Variants in CDK14 observed in about 807,000 individuals in gnomAD.
CDK14 encodes cyclin-dependent kinase 14.
In CDK14, 34 loss-of-function variants were observed where a neutral mutation model predicts 60.7. The observed-to-expected ratio is 0.56, with a 90% CI of 0.43 to 0.75. CDK14 has a LOEUF of 0.75. Ranked by LOEUF, CDK14 falls within the 30% of genes least tolerant of loss-of-function variation. The probability of loss-of-function intolerance (pLI) is 0.00; values close to 1 mark genes in which losing one functional copy is unlikely to be tolerated. For missense variants in CDK14, 482 were observed against 564.1 expected (o/e 0.85, Z 1.47); for synonymous variants, 197 against 203.7 (o/e 0.97, Z 0.28).
chr7:90,670,535 A>G (rs931208520), intron 2 of CDK14, among the ~76,000 whole-genome samples: 2 of 152,192 alleles, frequency 1.3e-5, no homozygotes, highest in Admixed American at 1.3e-4. Flanking sequence ...TGCAGGCTGT[A>G]TGAGCATGAT....
chr7:91,080,445 C>T (rs1333768823), intron 12 of CDK14, among the ~76,000 whole-genome samples: 1 of 152,022 alleles, frequency 6.6e-6, no homozygotes, highest in Non-Finnish European at 1.5e-5. Context: ...TAAATTTGTA[C>T]CTCGAATAAC....
At chr7:90,923,515 ATC>A (rs1412099644) in intron 8 of CDK14, among the ~76,000 whole-genome samples, 2 of 152,182 alleles carry the variant, frequency 1.3e-5, no homozygotes, top group African/African-American at 4.8e-5. Context: ...TCTATGAGAA[ATC>A]TCTCTGTTCA....
At chr7:90,844,243 A>C (rs753351081) in intron 5 of CDK14, among the ~76,000 whole-genome samples, 10 of 152,198 alleles carry the variant, frequency 6.6e-5, no homozygotes, top group Non-Finnish European at 1.2e-4. Context: ...GAATTAGGAG[A>C]GGTAAATTCT....
At chr7:91,110,991 A>C (rs1286883591) in intron 12 of CDK14, among the ~76,000 whole-genome samples, 2 of 152,120 alleles carry the variant, frequency 1.3e-5, no homozygotes, top group Non-Finnish European at 2.9e-5. Context: ...AGGGGAAAAA[A>C]CTGTGAAGAA....
chr7:91,123,119 G>A (rs1799833833), intron 14 of CDK14, among the ~76,000 whole-genome samples: 1 of 152,132 alleles, frequency 6.6e-6, no homozygotes, highest in Non-Finnish European at 1.5e-5. Context: ...TATCTTCATT[G>A]TATGATATTT....
chr7:90,838,508 C>T (rs1445267568), intron 5 of CDK14, among the ~76,000 whole-genome samples: 1 of 152,126 alleles, frequency 6.6e-6, no homozygotes, highest in African/African-American at 2.4e-5. Context: ...TATTTTTCTT[C>T]TTGCAGGGAG....
intron 2 of CDK14, among the ~76,000 whole-genome samples, chr7:90,665,498 G>C (rs1344610220): frequency 6.6e-6 from 1 of 152,124 alleles, no homozygotes; most frequent in African/African-American, 2.4e-5. Context: ...CAAATCCCCA[G>C]TAAGGCTGTG....
At chr7:91,022,808 T>C (rs1796464877) in intron 10 of CDK14, among the ~76,000 whole-genome samples, 1 of 152,182 alleles carries the variant, frequency 6.6e-6, no homozygotes, top group Non-Finnish European at 1.5e-5. Flanking sequence ...TTGTTTCCAT[T>C]GTATTGTTTA....
intron 14 of CDK14, among the ~76,000 whole-genome samples, chr7:91,152,947 T>C (rs570293043): frequency 4.6e-4 from 70 of 152,314 alleles, no homozygotes; most frequent in African/African-American, 1.7e-3. Context: ...AAGCCCCAAA[T>C]AGTTTATAGT....
In CDK14 at chr7:91,172,080, G is replaced by A. The variant is rs537816621; in HGVS notation, c.*29-35085G>A. Among the ~76,000 whole-genome samples, 7 of 152,276 alleles carry A rather than the reference G, an allele frequency of 4.6e-5. No individual in the cohort carries two copies. In the South Asian group the frequency reaches 1.2e-3, roughly 27 times the overall value. On this transcript the variant is annotated intron_variant, in intron 14 of 14. Transcript: ENST00000380050. ...AACAAAATTTAAATCCTGCCTAGAGGTAGCATCTTATTATTGTGCTTGGGT... is the reference window on the plus strand; with the variant it reads ...AACAAAATTTAAATCCTGCCTAGAGATAGCATCTTATTATTGTGCTTGGGT...
intron 10 of CDK14, among the ~76,000 whole-genome samples, chr7:91,031,331 A>C (rs932800122): frequency 3.3e-5 from 5 of 152,198 alleles, no homozygotes; most frequent in Admixed American, 6.5e-5. Flanking sequence ...AATGCTCATC[A>C]GTAGGCAAGC....
At chr7:91,130,229 C>A (rs1361745881) in intron 14 of CDK14, among the ~76,000 whole-genome samples, 2 of 152,126 alleles carry the variant, frequency 1.3e-5, no homozygotes, top group Non-Finnish European at 2.9e-5. Context: ...TTCTATCCAG[C>A]CACTCATTGA....
intron 7 of CDK14, among the ~76,000 whole-genome samples, chr7:90,917,268 A>G (rs998644135): frequency 6.6e-6 from 1 of 152,074 alleles, no homozygotes; most frequent in South Asian, 2.1e-4. Flanking sequence ...CTCCTTTCAA[A>G]CATCATTTTA....
At chr7:90,738,222 G>A (rs916772671) in intron 3 of CDK14, among the ~76,000 whole-genome samples, 9 of 152,158 alleles carry the variant, frequency 5.9e-5, no homozygotes, top group Admixed American at 1.3e-4. Context: ...TTTTAGATGA[G>A]TTACTTTATT....
At chr7:90,737,264 G>T (rs778735528) in intron 3 of CDK14, among the ~76,000 whole-genome samples, 5 of 152,140 alleles carry the variant, frequency 3.3e-5, no homozygotes, top group Non-Finnish European at 7.4e-5. Context: ...GTCATAAGCT[G>T]ATCTTAAAGA....
intron 2 of CDK14, among the ~76,000 whole-genome samples, chr7:90,673,674 A>G (rs930518560): frequency 1.3e-5 from 2 of 152,214 alleles, no homozygotes; most frequent in African/African-American, 4.8e-5. Context: ...ATTCCAACAC[A>G]CATCATTACC....
intron 4 of CDK14, among the ~76,000 whole-genome samples, chr7:90,782,130 C>T (rs1455949456): frequency 6.6e-6 from 1 of 151,988 alleles, no homozygotes; most frequent in African/African-American, 2.4e-5. Flanking sequence ...AGAGGTCCTT[C>T]ACATCCCTTG....
intron 4 of CDK14, among the ~76,000 whole-genome samples, chr7:90,778,001 A>G (rs1480433432): frequency 6.6e-6 from 1 of 152,150 alleles, no homozygotes; most frequent in South Asian, 2.1e-4. Flanking sequence ...GGAAATTCCT[A>G]CATATTTTCT....
At chr7:90,928,180 A>G (rs1793480875) in intron 8 of CDK14, among the ~76,000 whole-genome samples, 1 of 151,878 alleles carries the variant, frequency 6.6e-6, no homozygotes, top group South Asian at 2.1e-4. Flanking sequence ...TAGCTCGGAG[A>G]AGTTTGTTAT....
Sources: allele counts gnomAD v4.1 joint callset (sites outside exome capture counted in the v4.1 genomes callset), GRCh38; gene constraint gnomAD v4.1.1; transcripts MANE v1.5; gene names NCBI Gene and HGNC (gene_info 2026-07-23, HGNC 2026-07-21).